Variants in TSHZ3 observed in about 807,000 individuals in gnomAD.
TSHZ3 encodes teashirt zinc finger homeobox 3, also known as teashirt homolog 3.
A neutral mutation model predicts 64.5 loss-of-function variants in TSHZ3; 10 were observed. The ratio of observed to expected loss-of-function variants is 0.16; its 90% CI spans 0.10 to 0.26. The LOEUF is 0.26. Among genes scored for constraint, TSHZ3 ranks in the 10% least tolerant of loss-of-function variants. The probability of loss-of-function intolerance (pLI) is 1.00; values close to 1 mark genes in which losing one functional copy is unlikely to be tolerated. For missense variants in TSHZ3, 1,242 were observed against 1,421.7 expected, an observed-to-expected ratio of 0.87 and a Z score of 2.03; for synonymous variants, 608 against 593.1, an observed-to-expected ratio of 1.03 and a Z score of -0.36.
chr19:31,151,927 C>T (rs1974244785), intron 6 of TSHZ3, among the ~76,000 whole-genome samples: 2 of 152,040 alleles, frequency 1.3e-5, no homozygotes, highest in Admixed American at 1.3e-4. Flanking sequence ...AAAGTGGTGA[C>T]AATAGTTTAA....
At chr19:31,205,253 T>C (rs1056710146) in intron 4 of TSHZ3, among the ~76,000 whole-genome samples, 3 of 152,184 alleles carry the variant, frequency 2.0e-5, no homozygotes, top group African/African-American at 7.2e-5. Flanking sequence ...ACCCTAAGCC[T>C]GCGATACCAC....
intron 1 of TSHZ3, among the ~76,000 whole-genome samples, chr19:31,306,822 A>G (rs1245276157): frequency 1.3e-5 from 2 of 152,232 alleles, no homozygotes; most frequent in Non-Finnish European, 2.9e-5. Flanking sequence ...AAAGAGAAAC[A>G]TACTAATTAG....
intron 1 of TSHZ3, among the ~76,000 whole-genome samples, chr19:31,250,543 A>T (rs1319228209): frequency 6.6e-6 from 1 of 152,246 alleles, no homozygotes; most frequent in African/African-American, 2.4e-5. Flanking sequence ...TAAATAATGG[A>T]TGCTTAGCAC....
chr19:31,318,170 T>G (rs1279901274), intron 1 of TSHZ3, among the ~76,000 whole-genome samples: 1 of 152,216 alleles, frequency 6.6e-6, no homozygotes, highest in African/African-American at 2.4e-5. Context: ...AGGCTTTCAT[T>G]TTATCTTTGT....
chr19:31,233,955 T>G (rs1975574307), intron 3 of TSHZ3, among the ~76,000 whole-genome samples: 2 of 147,816 alleles, frequency 1.4e-5, no homozygotes, highest in South Asian at 2.1e-4. Flanking sequence ...AAAAAAAGCC[T>G]GCTGAGATTT....
intron 5 of TSHZ3, among the ~76,000 whole-genome samples, chr19:31,197,118 G>A (rs1419246967): frequency 6.6e-6 from 1 of 151,910 alleles, no homozygotes; most frequent in African/African-American, 2.4e-5. Context: ...TCTGCTCTCA[G>A]ACCACAATGC....
chr19:31,322,223 T>C (rs1432078896), intron 1 of TSHZ3, among the ~76,000 whole-genome samples: 4 of 152,170 alleles, frequency 2.6e-5, no homozygotes, highest in Non-Finnish European at 5.9e-5. Context: ...GCAATCTCTA[T>C]CTCCTGGGTT....
intron 1 of TSHZ3, among the ~76,000 whole-genome samples, chr19:31,247,284 T>C (rs1888263784): frequency 6.6e-6 from 1 of 152,146 alleles, no homozygotes; most frequent in Non-Finnish European, 1.5e-5. Flanking sequence ...TTCCTAAGAA[T>C]GGAGAAAGCT....
At chr19:31,303,585 G>T (rs1976791132) in intron 1 of TSHZ3, among the ~76,000 whole-genome samples, 1 of 152,162 alleles carries the variant, frequency 6.6e-6, no homozygotes, top group Admixed American at 6.5e-5. Flanking sequence ...TCACTCAGGA[G>T]TCTGGTGGGT....
intron 4 of TSHZ3, among the ~76,000 whole-genome samples, chr19:31,225,658 TCTC>T (rs1975449608): frequency 6.6e-6 from 1 of 152,132 alleles, no homozygotes; most frequent in Admixed American, 6.5e-5. Context: ...AGTTCGCCCT[TCTC>T]CTTCCTGAGG....
intron 3 of TSHZ3, among the ~76,000 whole-genome samples, chr19:31,228,257 G>A (rs189172575): frequency 2.6e-5 from 4 of 152,216 alleles, no homozygotes; most frequent in African/African-American, 7.2e-5. Context: ...TGGGTGTGGT[G>A]GCTCACACCT....
chr19:31,267,645 C>T (rs1976072027), intron 1 of TSHZ3, among the ~76,000 whole-genome samples: 1 of 136,140 alleles, frequency 7.3e-6, no homozygotes, highest in East Asian at 2.1e-4. Context: ...GAGAATAAGC[C>T]CATTTTTTTT....
exon 7 of TSHZ3, among the ~76,000 whole-genome samples, chr19:31,150,471 C>T (rs1974224433): frequency 6.6e-6 from 1 of 152,228 alleles, no homozygotes; most frequent in Non-Finnish European, 1.5e-5. Context: ...ATCCACGTGT[C>T]TTCTGGCCAC....
chr19:31,208,217 G>T (rs1178444808), intron 4 of TSHZ3, among the ~76,000 whole-genome samples: 1 of 152,244 alleles, frequency 6.6e-6, no homozygotes, highest in Non-Finnish European at 1.5e-5. Context: ...CAAAGCAAAA[G>T]CTGAATTAAC....
chr19:31,158,120 C>T lies in TSHZ3; in HGVS notation n.810-1703G>A, dbSNP rs377105614. ...AATTGTACTTTCCTACTGCTAACAT[C>T]ACCACTTAAAAATGTGAGATTTATC... On this transcript the variant is annotated intron_variant and non_coding_transcript_variant, in intron 5 of 6. Coordinates refer to the TSHZ3 transcript ENST00000651361. Among the ~76,000 whole-genome samples, 37 of 152,336 alleles carry T rather than the reference C, an allele frequency of 2.4e-4. No individual in the cohort carries two copies. The East Asian group carries it at 5.4e-3, about 22-fold the overall frequency.
intron 1 of TSHZ3, among the ~76,000 whole-genome samples, chr19:31,264,800 G>A (rs1220456198): frequency 1.3e-5 from 2 of 151,988 alleles, no homozygotes; most frequent in African/African-American, 2.4e-5. Context: ...ACCTGTGCCA[G>A]GTAAAATATT....
At chr19:31,313,058 G>T (rs981434394) in intron 1 of TSHZ3, among the ~76,000 whole-genome samples, 2 of 152,152 alleles carry the variant, frequency 1.3e-5, no homozygotes, top group Non-Finnish European at 2.9e-5. Flanking sequence ...AGTGCATGTG[G>T]TATGCAGAAA....
At chr19:31,232,720 C>T (rs1053818441) in intron 3 of TSHZ3, among the ~76,000 whole-genome samples, 3 of 152,186 alleles carry the variant, frequency 2.0e-5, no homozygotes, top group Admixed American at 1.3e-4. Context: ...CTCCATCCTA[C>T]CCCCTGCTCC....
intron 1 of TSHZ3, among the ~76,000 whole-genome samples, chr19:31,327,503 T>C (rs2145176467): frequency 6.6e-6 from 1 of 152,360 alleles, no homozygotes; most frequent in East Asian, 1.9e-4. Context: ...AGCATTCTGC[T>C]TTATTCTTGA....
Sources: allele counts gnomAD v4.1 joint callset (sites outside exome capture counted in the v4.1 genomes callset), GRCh38; gene constraint gnomAD v4.1.1; transcripts MANE v1.5; gene names NCBI Gene and HGNC (gene_info 2026-07-23, HGNC 2026-07-21).